The following CCDC80 variants were observed in gnomAD, a reference collection of about 807,000 sequenced individuals.
CCDC80 encodes the protein coiled-coil domain-containing protein 80.
CCDC80 carries 49 observed loss-of-function variants against 78.7 expected under a neutral mutation model. The observed-to-expected ratio is 0.62, with a 90% CI of 0.50 to 0.79. The LOEUF is 0.79. Ranked by LOEUF, CCDC80 falls within the 30% of genes least tolerant of loss-of-function variation. The pLI, the probability that CCDC80 is intolerant of heterozygous loss-of-function variation, is 0.00. For synonymous variants in CCDC80, 488 were observed against 447.0 expected, an observed-to-expected ratio of 1.09 and a Z score of -1.16; for missense variants, 1,205 against 1,198.6, an observed-to-expected ratio of 1.01 and a Z score of -0.08.
chr3:112,632,046 A>C (rs1050427899), intron 2 of CCDC80, among the ~76,000 whole-genome samples: 1 of 152,214 alleles, frequency 6.6e-6, no homozygotes, highest in South Asian at 2.1e-4. Flanking sequence ...CTCCAAATTT[A>C]TTCATTGATT....
At position 112,600,062 on chromosome 3, in the gene CCDC80, G is replaced by A. The variant is rs1935347927; in HGVS notation, c.*5355C>T. The A allele has an allele frequency of 6.6e-6, 1 of 152,096 alleles. No homozygotes were observed. The allele number at this position is 152,096 out of a possible 1,614,324, so 9.4% of individuals were successfully genotyped here. On this transcript the variant is annotated 3_prime_UTR_variant, in exon 8 of 8. Coordinates refer to ENST00000206423, the MANE Select transcript of CCDC80 (RefSeq NM_199511.3). ...ACGTTTGGGAAGAAATGCTTTTATGGAGAAACTACTCAGATTTGAAACTAC... is the reference window on the plus strand; with the variant it reads ...ACGTTTGGGAAGAAATGCTTTTATGAAGAAACTACTCAGATTTGAAACTAC...
intron 3 of CCDC80, among the ~76,000 whole-genome samples, chr3:112,625,952 C>T (rs1935961287): frequency 6.6e-6 from 1 of 152,058 alleles, no homozygotes. Flanking sequence ...TTTCAAGGTC[C>T]CTCCATTAAA....
chr3:112,638,810 A>G lies in CCDC80; in HGVS notation c.1096T>C (p.Ser366Pro). Residue 366 changes from serine (S) to proline (P), a missense_variant, in exon 2 of 8, where the codon TCC (serine) becomes CCC (proline). Physicochemically the swap from Ser to Pro is moderately conservative, Grantham distance 74. Coordinates refer to ENST00000206423, the MANE Select transcript of CCDC80 (RefSeq NM_199511.3). The part of the protein sequence containing the change: ...APATTVTRST[S>P]RAVTVAARPM... ...CTTGCAGCAACTGTTACCGCCCGGG[A>G]CGTGGACCGAGTCACTGTTGTGGCT... 6.2e-7 allele frequency: 1 copy of G among 1,613,704 alleles called. No individual in the cohort carries two copies. The highest frequency in any genetic ancestry group is 2.2e-5 in the East Asian group (1 of 44,838).
rs754415158 is a variant in CCDC80, at chr3:112,638,449, T to C, written c.1457A>G (p.Lys486Arg). ...RDPNVVPGPP[K>R]PAKEKPPKKK... Reference sequence around the variant, plus strand: ...TTTGGGAGGTTTCTCCTTTGCTGGCTTGGGAGGACCTGGCACCACATTTGG... The same window carrying C: ...TTTGGGAGGTTTCTCCTTTGCTGGCCTGGGAGGACCTGGCACCACATTTGG... Residue 486 changes from lysine to arginine, a missense_variant, in exon 2 of 8, where the codon AAG (lysine) becomes AGG (arginine). Coordinates refer to ENST00000206423, the MANE Select transcript of CCDC80 (RefSeq NM_199511.3). 7 of 1,613,526 alleles carry C rather than the reference T, an allele frequency of 4.3e-6. No individual in the cohort carries two copies. The highest frequency in any genetic ancestry group is 5.1e-6 in the Non-Finnish European group (6 of 1,179,952).
At chr3:112,617,199 G>A (rs1301797950) in intron 4 of CCDC80, among the ~76,000 whole-genome samples, 1 of 152,176 alleles carries the variant, frequency 6.6e-6, no homozygotes, top group Admixed American at 6.5e-5. Flanking sequence ...GAGAAGAACT[G>A]AGAAACACTG....
At chr3:112,629,479 A>G (rs974807010) in intron 3 of CCDC80, among the ~76,000 whole-genome samples, 1 of 152,202 alleles carries the variant, frequency 6.6e-6, no homozygotes, top group African/African-American at 2.4e-5. Flanking sequence ...AACTGCAATG[A>G]GTTAGATCTC....
Position 112,607,186 on chromosome 3 carries a change from G to A in CCDC80, c.2496C>T (p.Phe832=), listed in dbSNP as rs779103715. The change falls in exon 7 of 8, where the codon TTC becomes TTT. Residue 832 remains phenylalanine, a synonymous_variant. Coordinates refer to ENST00000206423, the MANE Select transcript of CCDC80 (RefSeq NM_199511.3). ...ATAACAACACATTACCATTAATTGG[G>A]AACAGTTCTAACACTCCCCCAACTT... The part of the protein sequence containing the change: ...GEEVGGVLEL[F]PINGSSVVER... 5.0e-6 allele frequency: 8 copies of A among 1,611,290 alleles called. No homozygotes were observed. The highest frequency in any genetic ancestry group is 1.3e-5 in the African/African-American group (1 of 74,772).
rs376490982 is a variant in CCDC80, at chr3:112,605,738, G to T, written c.2532C>A (p.Asp844Glu). The T allele has an allele frequency of 6.2e-7, 1 of 1,613,972 alleles. No homozygotes were observed. The highest frequency in any genetic ancestry group is 8.5e-7 in the Non-Finnish European group (1 of 1,179,878). The change falls in exon 8 of 8, where the codon GAC (aspartate) becomes GAA (glutamate). Residue 844 changes from aspartate (D) to glutamate (E), a missense_variant. Asp to Glu is a conservative substitution (Grantham distance 45). Transcript: ENST00000206423. ...TGTCTTTCACCAAATGGGCTGGTAC[G>T]TCTTCTCGCTCAACAACAGAGCTCC... is the stretch of plus-strand genomic sequence containing the variant. ...INGSSVVERE[D>E]VPAHLVKDIR... is the part of the protein sequence containing the mutation.
Position 112,638,548 on chromosome 3 carries a change from G to C in CCDC80, c.1358C>G (p.Pro453Arg). 6.2e-7 allele frequency: 1 copy of C among 1,614,086 alleles called. No individual in the cohort carries two copies. The highest frequency in any genetic ancestry group is 1.1e-5 in the South Asian group (1 of 91,052). ...GCCTGGGCCAGCAGCCCTTGTGCTG[G>C]GTTCTGAGATGGTGGTGGGAGGGGC... ...TNAPPTTISE[P>R]STRAAGPGRF... The change falls in exon 2 of 8, where the codon CCC becomes CGC. Residue 453 changes from proline to arginine, a missense_variant. Transcript: ENST00000206423.
chr3:112,608,222 T>C (rs1402264657), intron 6 of CCDC80, among the ~76,000 whole-genome samples: 1 of 152,208 alleles, frequency 6.6e-6, no homozygotes, highest in African/African-American at 2.4e-5. Flanking sequence ...CCCAACCTAG[T>C]CAGGATAATA....
In CCDC80 at chr3:112,605,858, G is replaced by A. The variant is rs1322973381; in HGVS notation, c.2507-95C>T. On this transcript the variant is annotated intron_variant, in intron 7 of 7. Coordinates refer to ENST00000206423, the MANE Select transcript of CCDC80 (RefSeq NM_199511.3). ...GAGGAAATTACTGTGAGAATAGGGA[G>A]GACCCATGAGCCTCTTCTCTTTAGT... 4.1e-6 allele frequency: 4 copies of A among 980,496 alleles called. No individual in the cohort carries two copies. In the Admixed American group the frequency reaches 8.0e-5, roughly 20 times the overall value. The allele number at this position is 980,496 out of a possible 1,614,324, so 60.7% of individuals were successfully genotyped here.
intron 2 of CCDC80, 94 bp from the exon 3 acceptor site, chr3:112,630,363 T>C: frequency 8.3e-7 from 1 of 1,202,952 alleles, no homozygotes; most frequent in Non-Finnish European, 1.2e-6. Flanking sequence ...AGAGGGCTGG[T>C]AGTGACTGCA....
intron 2 of CCDC80, among the ~76,000 whole-genome samples, chr3:112,633,551 C>T (rs1315757107): frequency 6.6e-6 from 1 of 152,198 alleles, no homozygotes; most frequent in Non-Finnish European, 1.5e-5. Flanking sequence ...TGCTGGCCAA[C>T]ACTCCTCCGG....
chr3:112,611,908 G>A (rs1935636363), intron 5 of CCDC80, among the ~76,000 whole-genome samples: 1 of 152,156 alleles, frequency 6.6e-6, no homozygotes, highest in Non-Finnish European at 1.5e-5. Flanking sequence ...CAAAGAAAAT[G>A]GCCTCTTGAG....
chr3:112,628,234 T>C (rs1045252212), intron 3 of CCDC80, among the ~76,000 whole-genome samples: 2 of 152,166 alleles, frequency 1.3e-5, no homozygotes, highest in Non-Finnish European at 2.9e-5. Context: ...AGGAAACAAA[T>C]GGTTGAATCC....
At position 112,640,749 on chromosome 3, in the gene CCDC80, G is replaced by C. The variant is rs1001847195; in HGVS notation, c.-434C>G. On this transcript the variant is annotated 5_prime_UTR_variant, in exon 1 of 8. Transcript: ENST00000206423. ...CACTCTTTCCCTCTTTAAAGTTCCA[G>C]GATCCTTCTTATCTCCCTTTCCCCC... The C allele has an allele frequency of 6.6e-6, 1 of 152,182 alleles. No homozygotes were observed. The highest frequency in any genetic ancestry group is 1.5e-5 in the Non-Finnish European group (1 of 68,086). The allele number at this position is 152,182 out of a possible 1,614,324, so 9.4% of individuals were successfully genotyped here.
chr3:112,622,478 G>C (rs1935885539), intron 3 of CCDC80, among the ~76,000 whole-genome samples: 1 of 152,106 alleles, frequency 6.6e-6, no homozygotes, highest in South Asian at 2.1e-4. Flanking sequence ...CCTGCCACCG[G>C]TCTTTCTTGA....
chr3:112,611,801 G>T (rs1258669225), intron 5 of CCDC80, among the ~76,000 whole-genome samples: 1 of 152,140 alleles, frequency 6.6e-6, no homozygotes, highest in Non-Finnish European at 1.5e-5. Flanking sequence ...GCAGGGTGTT[G>T]GTGCACTCAC....
Position 112,630,242 on chromosome 3 carries a change from T to C in CCDC80, c.1906A>G (p.Asn636Asp), listed in dbSNP as rs772655458. ...TCATCACGTTGTTGCACATACATATTGTTCTCAGCCTTGGGAGCAGTGATC... is the reference window on the plus strand; with the variant it reads ...TCATCACGTTGTTGCACATACATATCGTTCTCAGCCTTGGGAGCAGTGATC... ...LLITAPKAEN[N>D]MYVQQRDEYL... Residue 636 changes from asparagine to aspartate, a missense_variant, in exon 3 of 8, where the codon AAT (asparagine) becomes GAT (aspartate). By Grantham distance (23) the Asn-to-Asp change is conservative. Transcript: ENST00000206423. The C allele has an allele frequency of 1.2e-6, 2 of 1,613,770 alleles. No homozygotes were observed. The highest frequency in any genetic ancestry group is 2.2e-5 in the East Asian group (1 of 44,888).
Sources: gnomAD v4.1 joint callset for allele counts (sites outside exome capture counted in the v4.1 genomes callset) on GRCh38, gnomAD v4.1.1 for gene constraint, MANE v1.5 for transcripts, NCBI Gene and HGNC (gene_info 2026-07-23, HGNC 2026-07-21) for gene names.